The following ACTR3 variants were observed in gnomAD, a reference collection of about 807,000 sequenced individuals.
ACTR3 encodes the protein actin-related protein 3.
Under a neutral mutation model 56.8 loss-of-function variants are expected in ACTR3, and 12 were observed. That is an observed-to-expected ratio of 0.21 (90% CI 0.14 to 0.34). The LOEUF (loss-of-function observed/expected upper bound fraction) is 0.34. Among genes scored for constraint, ACTR3 ranks in the 10% least tolerant of loss-of-function variants. ACTR3 has a pLI of 1.00. For synonymous variants in ACTR3, 162 were observed against 167.4 expected (o/e 0.97, Z 0.25); for missense variants, 282 against 512.5 (o/e 0.55, Z 4.34).
At chr2:113,919,095 A>G (rs535718936) in intron 3 of ACTR3, among the ~76,000 whole-genome samples, 26 of 152,326 alleles carry the variant, frequency 1.7e-4, no homozygotes, top group Admixed American at 5.2e-4. Flanking sequence ...TTCCACCCTC[A>G]ACCTGCAATT....
intron 1 of ACTR3, among the ~76,000 whole-genome samples, chr2:113,911,543 C>T (rs1286926755): frequency 6.6e-6 from 1 of 151,510 alleles, no homozygotes; most frequent in Non-Finnish European, 1.5e-5. Context: ...CCTCACTCTC[C>T]TGAGTAGCTG....
intron 8 of ACTR3, among the ~76,000 whole-genome samples, chr2:113,946,679 C>CT (rs1010908635): frequency 1.4e-4 from 21 of 152,256 alleles, no homozygotes; most frequent in African/African-American, 4.8e-4. Context: ...CTGATAGTTT[C>CT]TTTTGCTGTG....
At chr2:113,942,979 T>A (rs964610002) in intron 8 of ACTR3, among the ~76,000 whole-genome samples, 3 of 152,240 alleles carry the variant, frequency 2.0e-5, no homozygotes, top group Non-Finnish European at 4.4e-5. Context: ...TTTTTAAAAT[T>A]TTGTTTATTC....
chr2:113,940,820 A>ATTT (rs58868582), intron 7 of ACTR3, among the ~76,000 whole-genome samples: 2 of 122,002 alleles, frequency 1.6e-5, no homozygotes, highest in Non-Finnish European at 3.6e-5. Flanking sequence ...ATTTTTATTG[A>ATTT]TTTTTTTTTT....
intron 10 of ACTR3, 64 bp downstream of exon 10, chr2:113,951,909 T>C (rs1332267988): frequency 6.9e-6 from 11 of 1,589,190 alleles, no homozygotes; most frequent in South Asian, 1.1e-5. Flanking sequence ...ATGAGAAATA[T>C]TTGCCAGCAT....
chr2:113,937,731 G>A (rs1281095442), intron 6 of ACTR3, among the ~76,000 whole-genome samples: 2 of 152,186 alleles, frequency 1.3e-5, no homozygotes, highest in Non-Finnish European at 2.9e-5. Context: ...TTCTTTGAAT[G>A]TAATGTTTAT....
intron 3 of ACTR3, among the ~76,000 whole-genome samples, chr2:113,926,351 A>G (rs1410736990): frequency 6.6e-6 from 1 of 152,248 alleles, no homozygotes. Flanking sequence ...GAGTAACACT[A>G]TATTTCCCTG....
At chr2:113,894,388 G>A (rs554718920) in intron 1 of ACTR3, among the ~76,000 whole-genome samples, 6 of 152,214 alleles carry the variant, frequency 3.9e-5, no homozygotes, top group South Asian at 2.1e-4. Flanking sequence ...CCACTGCACC[G>A]GCTTAATAAT....
intron 4 of ACTR3, among the ~76,000 whole-genome samples, chr2:113,930,635 A>G (rs1679702625): frequency 6.6e-6 from 1 of 152,224 alleles, no homozygotes; most frequent in South Asian, 2.1e-4. Flanking sequence ...CATAGGTGAA[A>G]TATGAAGTCC....
intron 1 of ACTR3, among the ~76,000 whole-genome samples, chr2:113,891,539 G>C (rs769817090): frequency 6.7e-6 from 1 of 150,294 alleles, no homozygotes; most frequent in Non-Finnish European, 1.5e-5. Flanking sequence ...CTGTGCTGAT[G>C]ACATCTCTCC....
At chr2:113,954,337 A>G (rs1464774585) in intron 10 of ACTR3, 1 of 152,014 alleles carries the variant, frequency 6.6e-6, no homozygotes, top group Non-Finnish European at 1.5e-5. Flanking sequence ...ATCCATTGTG[A>G]TTCTTCCCTA....
chr2:113,925,077 A>G (rs1679591124), intron 3 of ACTR3, among the ~76,000 whole-genome samples: 1 of 151,314 alleles, frequency 6.6e-6, no homozygotes. Flanking sequence ...TTGTATTTTC[A>G]GTGGAGATGG....
chr2:113,949,405 AG>A (rs1164046189), intron 8 of ACTR3, among the ~76,000 whole-genome samples: 173 of 139,248 alleles, frequency 1.2e-3, no homozygotes, highest in African/African-American at 5.4e-3. Flanking sequence ...AAAAAAAAAA[AG>A]AAAAAATTGA....
intron 3 of ACTR3, among the ~76,000 whole-genome samples, chr2:113,923,103 A>C (rs1209067409): frequency 6.6e-6 from 1 of 152,198 alleles, no homozygotes; most frequent in Non-Finnish European, 1.5e-5. Context: ...GCTACTAACA[A>C]ACCAGAACAA....
At chr2:113,942,097 T>C (rs924434971) in intron 7 of ACTR3, 89 bp from the exon 8 acceptor site, 3 of 1,015,038 alleles carry the variant, frequency 3.0e-6, no homozygotes. Flanking sequence ...TTTTTTTTTA[T>C]TGGATTATAG....
chr2:113,931,275 A>G (rs1162138013), intron 4 of ACTR3, 26 bp from the exon 5 acceptor site: 1 of 1,348,756 alleles, frequency 7.4e-7, no homozygotes, highest in East Asian at 2.4e-5. Context: ...GATATTATCT[A>G]TTTAAAATGT....
chr2:113,924,160 T>C (rs1679573122), intron 3 of ACTR3, among the ~76,000 whole-genome samples: 1 of 151,446 alleles, frequency 6.6e-6, no homozygotes, highest in East Asian at 2.0e-4. Flanking sequence ...ACTTTGACCC[T>C]CTGGGCTCAA....
At chr2:113,904,741 C>T (rs958501849) in intron 1 of ACTR3, 1 of 152,188 alleles carries the variant, frequency 6.6e-6, no homozygotes, top group Admixed American at 6.5e-5. Flanking sequence ...ACAACCCTCC[C>T]TCCAACTAGT....
At chr2:113,935,495 G>A (rs1240171223) in intron 6 of ACTR3, among the ~76,000 whole-genome samples, 1 of 152,098 alleles carries the variant, frequency 6.6e-6, no homozygotes, top group Non-Finnish European at 1.5e-5. Flanking sequence ...TCACTTAGCC[G>A]AACATTTTCA....
Sources: allele counts gnomAD v4.1 joint callset (sites outside exome capture counted in the v4.1 genomes callset), GRCh38; gene constraint gnomAD v4.1.1; transcripts MANE v1.5; gene names NCBI Gene and HGNC (gene_info 2026-07-23, HGNC 2026-07-21).